TMPRSS15: variants seen among roughly 807,000 people sequenced by gnomAD.
TMPRSS15 encodes the protein transmembrane serine protease 15.
Under a neutral mutation model 125.3 loss-of-function variants are expected in TMPRSS15, and 128 were observed. The observed-to-expected ratio is 1.02, with a 90% CI of 0.89 to 1.18. TMPRSS15 has a LOEUF of 1.18. Ranked by LOEUF, TMPRSS15 falls within the 50% of genes most tolerant of loss-of-function variation. The probability of loss-of-function intolerance (pLI) is 0.00; values close to 1 mark genes in which losing one functional copy is unlikely to be tolerated. For missense variants in TMPRSS15, 1,283 were observed against 1,212.7 expected (o/e 1.06, Z -0.86); for synonymous variants, 446 against 423.2 (o/e 1.05, Z -0.66).
chr21:18,458,006 C>T (rs762259591), intron 1 of TMPRSS15, among the ~76,000 whole-genome samples: 1 of 152,068 alleles, frequency 6.6e-6, no homozygotes, highest in African/African-American at 2.4e-5. Context: ...TCAGACTGAG[C>T]GTATACTGCA....
intron 3 of TMPRSS15, among the ~76,000 whole-genome samples, chr21:18,395,851 T>G (rs897986789): frequency 6.6e-5 from 10 of 152,180 alleles, no homozygotes; most frequent in African/African-American, 2.2e-4. Context: ...AAATAATACA[T>G]GAATAAAAGT....
chr21:18,482,914 C>T (rs548975799), intron 1 of TMPRSS15, among the ~76,000 whole-genome samples: 1 of 151,796 alleles, frequency 6.6e-6, no homozygotes, highest in African/African-American at 2.4e-5. Context: ...TATTTCCTTA[C>T]TGAGAGTCAG....
intron 21 of TMPRSS15, among the ~76,000 whole-genome samples, chr21:18,283,395 TTCAC>T (rs1188970175): frequency 1.3e-5 from 2 of 152,154 alleles, no homozygotes; most frequent in African/African-American, 4.8e-5. Context: ...ACCTCACACA[TTCAC>T]TCAATATTTA....
At chr21:18,319,409 ATCTT>A (rs1220500779) in intron 16 of TMPRSS15, among the ~76,000 whole-genome samples, 7 of 142,542 alleles carry the variant, frequency 4.9e-5, no homozygotes, top group African/African-American at 1.8e-4. Context: ...GTAAAAAAAA[ATCTT>A]CTTCACCGAT....
At chr21:18,373,244 CT>C (rs1487807203) in intron 5 of TMPRSS15, among the ~76,000 whole-genome samples, 1 of 152,064 alleles carries the variant, frequency 6.6e-6, no homozygotes, top group African/African-American at 2.4e-5. Context: ...AATGAATCTA[CT>C]AAGTTACTTC....
intron 10 of TMPRSS15, among the ~76,000 whole-genome samples, chr21:18,349,245 G>C (rs2146999797): frequency 6.6e-6 from 1 of 152,156 alleles, no homozygotes; most frequent in East Asian, 1.9e-4. Flanking sequence ...TAAATGAATG[G>C]GCCACTTCTG....
intron 21 of TMPRSS15, among the ~76,000 whole-genome samples, chr21:18,285,270 G>A (rs2074749263): frequency 6.6e-6 from 1 of 152,172 alleles, no homozygotes; most frequent in Non-Finnish European, 1.5e-5. Flanking sequence ...ATGTGCTGAT[G>A]TGAAAATAAC....
chr21:18,343,293 T>C (rs2075468153), intron 12 of TMPRSS15, among the ~76,000 whole-genome samples: 1 of 152,220 alleles, frequency 6.6e-6, no homozygotes, highest in African/African-American at 2.4e-5. Flanking sequence ...TGTATTTTCA[T>C]TAGTACATTG....
At chr21:18,398,153 A>T in intron 2 of TMPRSS15, 46 bp downstream of exon 2, 1 of 1,606,608 alleles carries the variant, frequency 6.2e-7, no homozygotes, top group Non-Finnish European at 8.5e-7. Context: ...TTCAGCAAGT[A>T]GTTAAACTGT....
intron 3 of TMPRSS15, among the ~76,000 whole-genome samples, chr21:18,387,928 T>C (rs1169122098): frequency 6.6e-6 from 1 of 152,156 alleles, no homozygotes; most frequent in Non-Finnish European, 1.5e-5. Flanking sequence ...TAAATTAAAA[T>C]AATTTATAAA....
chr21:18,323,289 G>T (rs1314051939), intron 16 of TMPRSS15, among the ~76,000 whole-genome samples: 1 of 152,230 alleles, frequency 6.6e-6, no homozygotes. Context: ...TGAAAAAGGA[G>T]AATTAATGGA....
intron 1 of TMPRSS15, among the ~76,000 whole-genome samples, chr21:18,481,082 A>C (rs1254977433): frequency 3.3e-5 from 5 of 151,872 alleles, no homozygotes. Flanking sequence ...ATCCAAGCTC[A>C]GATTACTAGG....
At position 18,313,185 on chromosome 21, in the gene TMPRSS15, T is replaced by G; in HGVS notation, c.2033-108A>C. 3.8e-6 allele frequency: 3 copies of G among 784,906 alleles called. No individual in the cohort carries two copies. The South Asian group carries it at 4.2e-5, about 11-fold the overall frequency. The allele number at this position is 784,906 out of a possible 1,614,324, so 48.6% of individuals were successfully genotyped here. The stretch of plus-strand genomic sequence containing the variant: ...GCTTCATTTAGACAGGAGGAATAAG[T>G]TCATGAGATCTCTTGCACAGCACTG... On this transcript the variant is annotated intron_variant, in intron 17 of 24. Coordinates refer to ENST00000284885, the MANE Select transcript of TMPRSS15 (RefSeq NM_002772.3).
chr21:18,351,351 G>A (rs1468317481), intron 10 of TMPRSS15, among the ~76,000 whole-genome samples: 1 of 152,086 alleles, frequency 6.6e-6, no homozygotes, highest in Non-Finnish European at 1.5e-5. Flanking sequence ...TTACATTCAT[G>A]CACTGAGAAT....
intron 23 of TMPRSS15, 66 bp from the exon 24 acceptor site, chr21:18,275,402 C>T (rs2074607949): frequency 3.2e-6 from 5 of 1,572,836 alleles, no homozygotes; most frequent in African/African-American, 2.7e-5. Flanking sequence ...GAATGAACTA[C>T]CATCAGTCCT....
chr21:18,326,493 A>G lies in TMPRSS15; in HGVS notation c.1860T>C (p.Asp620=), dbSNP rs759949776. 2 of 1,614,128 alleles carry G rather than the reference A, an allele frequency of 1.2e-6. No homozygotes were observed. The highest frequency in any genetic ancestry group is 3.3e-5 in the Admixed American group (2 of 60,018). Residue 620 remains aspartate (D), a synonymous_variant, in exon 16 of 25, where the codon GAT becomes GAC. Coordinates refer to ENST00000284885, the MANE Select transcript of TMPRSS15 (RefSeq NM_002772.3). ...CTTTAAACCCTCCTCTTGCCAACAC[A>G]TCGTTAGTGATGAGAAGCACAGTCA... ...NRMTVLLITN[D]VLARGGFKAN... is the part of the protein sequence containing the mutation.
In TMPRSS15 at chr21:18,433,680, A is replaced by G. The variant is rs900344239; in HGVS notation, c.11-35351T>C. 3.7e-3 allele frequency among the ~76,000 whole-genome samples: 565 copies of G among 150,794 alleles called. 4 individuals carry two copies. The highest frequency in any genetic ancestry group is 6.9e-3 in the Admixed American group (105 of 15,108). The stretch of plus-strand genomic sequence containing the variant: ...CCTTGTCTCAAAAAAAAAAAAAAAA[A>G]AAAAAAGAAAATAACATAGTTTGAG... On this transcript the variant is annotated intron_variant, in intron 1 of 7. Coordinates refer to the TMPRSS15 transcript ENST00000422787.
intron 6 of TMPRSS15, among the ~76,000 whole-genome samples, chr21:18,367,773 C>G (rs760703721): frequency 2.0e-4 from 31 of 152,102 alleles, no homozygotes; most frequent in African/African-American, 2.9e-4. Flanking sequence ...CATAACAACT[C>G]TATGATGTTA....
chr21:18,269,950 G>C lies in TMPRSS15; in HGVS notation c.*19C>G, dbSNP rs1568971707. On this transcript the variant is annotated 3_prime_UTR_variant, in exon 25 of 25. Coordinates refer to ENST00000284885, the MANE Select transcript of TMPRSS15 (RefSeq NM_002772.3). ...AATGGGAAAATAATGCGACTTTCCT[G>C]TTTAGTTTAAGAAATGCGCTAATGT... The C allele has an allele frequency of 6.2e-7, 1 of 1,613,034 alleles. No homozygotes were observed. The highest frequency in any genetic ancestry group is 1.7e-5 in the Admixed American group (1 of 59,954).
Sources: allele counts gnomAD v4.1 joint callset (sites outside exome capture counted in the v4.1 genomes callset), GRCh38; gene constraint gnomAD v4.1.1; transcripts MANE v1.5; gene names NCBI Gene and HGNC (gene_info 2026-07-23, HGNC 2026-07-21).